The following NRG4 variants were observed in gnomAD, a reference collection of about 807,000 sequenced individuals.
NRG4 encodes the protein pro-neuregulin-4, membrane-bound isoform.
In NRG4, 10 loss-of-function variants were observed where a neutral mutation model predicts 15.0. That is an observed-to-expected ratio of 0.67 (90% CI 0.41 to 1.13). NRG4 has a LOEUF of 1.13. Among genes scored for constraint, NRG4 ranks in the 50% most tolerant of loss-of-function variants. NRG4 has a pLI of 0.00. For missense variants in NRG4, 139 were observed against 140.2 expected, an observed-to-expected ratio of 0.99 and a Z score of 0.04; for synonymous variants, 41 against 50.1, an observed-to-expected ratio of 0.82 and a Z score of 0.77.
intron 4 of NRG4, among the ~76,000 whole-genome samples, chr15:76,042,377 G>GT (rs935253600): frequency 6.6e-6 from 1 of 151,518 alleles, no homozygotes; most frequent in Non-Finnish European, 1.5e-5. Flanking sequence ...TAAAAAGTTG[G>GT]TTTTTTGAAA....
intron 4 of NRG4, among the ~76,000 whole-genome samples, chr15:76,051,186 T>C (rs1189705255): frequency 6.7e-6 from 1 of 148,652 alleles, no homozygotes; most frequent in Non-Finnish European, 1.5e-5. Flanking sequence ...TTTGTATTTT[T>C]AGTAGAGACG....
At position 75,942,876 on chromosome 15, in the gene NRG4, A is replaced by G. The variant is rs1180349417; in HGVS notation, c.*762T>C. On this transcript the variant is annotated 3_prime_UTR_variant, in exon 6 of 6. Coordinates refer to ENST00000394907, the MANE Select transcript of NRG4 (RefSeq NM_138573.4). ...GGAGAAACTAAATTGTTCTGACCTAATCAGTTCTTAATATTGCACCTAAAA... is the reference window on the plus strand; with the variant it reads ...GGAGAAACTAAATTGTTCTGACCTAGTCAGTTCTTAATATTGCACCTAAAA... 1 of 152,172 alleles carries G rather than the reference A, an allele frequency of 6.6e-6. No homozygotes were observed. Among genetic ancestry groups the G allele is most frequent in the Non-Finnish European group, 1.5e-5 (1 of 68,034 alleles). The allele number at this position is 152,172 out of a possible 1,614,324, so 9.4% of individuals were successfully genotyped here.
intron 3 of NRG4, among the ~76,000 whole-genome samples, chr15:75,999,461 G>C (rs2034328021): frequency 6.6e-6 from 1 of 152,144 alleles, no homozygotes; most frequent in Non-Finnish European, 1.5e-5. Context: ...TGCCATGTGA[G>C]GACATAGTGT....
At chr15:76,020,509 G>A (rs2035119636) in intron 5 of NRG4, among the ~76,000 whole-genome samples, 1 of 152,108 alleles carries the variant, frequency 6.6e-6, no homozygotes, top group Non-Finnish European at 1.5e-5. Context: ...CTAAGCCAGG[G>A]ATGTCCAATC....
At chr15:75,971,232 A>C (rs914049283) in intron 3 of NRG4, 2 of 455,880 alleles carry the variant, frequency 4.4e-6, no homozygotes, top group African/African-American at 4.0e-5. Flanking sequence ...TTCCCTCATT[A>C]ATCAGTTCCT....
intron 2 of NRG4, among the ~76,000 whole-genome samples, chr15:76,055,490 G>A (rs989718586): frequency 3.9e-5 from 6 of 152,100 alleles, no homozygotes; most frequent in Non-Finnish European, 7.3e-5. Context: ...GCAGGAATAT[G>A]GACCACCAGG....
intron 4 of NRG4, 75 bp from the exon 5 acceptor site, chr15:75,956,086 G>GTT: frequency 2.3e-5 from 11 of 486,582 alleles, no homozygotes; most frequent in Admixed American, 3.3e-5. Context: ...TAGAAAGAAA[G>GTT]TTTTTTTTTT....
chr15:75,950,049 T>C (rs926161536), intron 5 of NRG4, among the ~76,000 whole-genome samples: 2 of 152,240 alleles, frequency 1.3e-5, no homozygotes, highest in Admixed American at 1.3e-4. Flanking sequence ...TGCATCTATA[T>C]AGGTCAATTT....
At chr15:75,954,265 G>GTTTTTTTTT (rs774149763) in intron 5 of NRG4, among the ~76,000 whole-genome samples, 2 of 136,026 alleles carry the variant, frequency 1.5e-5, no homozygotes, top group Non-Finnish European at 1.6e-5. Context: ...TTGTTTTTTT[G>GTTTTTTTTT]TTTTTTTTTT....
rs560050311 is a variant in NRG4, at chr15:75,984,940, G to T, written c.105-22966C>A. The stretch of plus-strand genomic sequence containing the variant: ...GTTCACTGCAACTTCCACCTCCCAG[G>T]TTCAAGTGATTCTTGTGCTTCAGCC... On this transcript the variant is annotated intron_variant, in intron 3 of 5. Transcript: ENST00000394907. Among the ~76,000 whole-genome samples the T allele has an allele frequency of 5.9e-5, 9 of 152,174 alleles. No homozygotes were observed. The South Asian group carries it at 1.5e-3, about 25-fold the overall frequency.
chr15:75,974,009 G>C (rs1567085195), intron 3 of NRG4, among the ~76,000 whole-genome samples: 1 of 152,006 alleles, frequency 6.6e-6, no homozygotes, highest in Non-Finnish European at 1.5e-5. Context: ...GGCTTTTTTT[G>C]GTGGGTAGGC....
At chr15:75,961,758 T>G in intron 4 of NRG4, 70 bp downstream of exon 4, 1 of 1,062,296 alleles carries the variant, frequency 9.4e-7, no homozygotes, top group East Asian at 2.4e-5. Flanking sequence ...ACTAAGGGCA[T>G]ATTAATTATT....
intron 5 of NRG4, among the ~76,000 whole-genome samples, chr15:76,020,365 G>A (rs1014896297): frequency 1.3e-5 from 2 of 152,152 alleles, no homozygotes; most frequent in Non-Finnish European, 2.9e-5. Context: ...GGTAAGATAG[G>A]CCTCTTGCAC....
At chr15:76,034,988 T>C (rs985271438) in intron 5 of NRG4, among the ~76,000 whole-genome samples, 1 of 152,238 alleles carries the variant, frequency 6.6e-6, no homozygotes, top group Non-Finnish European at 1.5e-5. Context: ...ATAGCCTCCA[T>C]TTCCACAGAG....
downstream of NRG4, chr15:75,939,264 C>G (rs2141741086): frequency 6.6e-6 from 1 of 152,092 alleles, no homozygotes; most frequent in South Asian, 2.1e-4. Context: ...GAACAGCACT[C>G]TAGATTCTAG....
At chr15:76,035,572 G>GAA (rs143023547) in intron 5 of NRG4, among the ~76,000 whole-genome samples, 1 of 146,996 alleles carries the variant, frequency 6.8e-6, no homozygotes, top group Non-Finnish European at 1.5e-5. Context: ...TAACAGAAGT[G>GAA]AAAAAAAAAA....
intron 3 of NRG4, among the ~76,000 whole-genome samples, chr15:76,000,583 T>G (rs2141890114): frequency 6.6e-6 from 1 of 152,324 alleles, no homozygotes; most frequent in South Asian, 2.1e-4. Flanking sequence ...AATAACATAA[T>G]CTCTATGGAT....
intron 3 of NRG4, among the ~76,000 whole-genome samples, chr15:75,998,299 G>C (rs1567100555): frequency 6.6e-6 from 1 of 152,216 alleles, no homozygotes; most frequent in South Asian, 2.1e-4. Context: ...TATGTTGGTA[G>C]ATGGTAAGAG....
intron 3 of NRG4, among the ~76,000 whole-genome samples, chr15:75,997,636 T>C (rs925068982): frequency 6.6e-6 from 1 of 152,160 alleles, no homozygotes; most frequent in African/African-American, 2.4e-5. Context: ...TAGCTGCCTT[T>C]AATTGCAAAC....
Sources: gnomAD v4.1 joint callset for allele counts (sites outside exome capture counted in the v4.1 genomes callset) on GRCh38, gnomAD v4.1.1 for gene constraint, MANE v1.5 for transcripts, NCBI Gene and HGNC (gene_info 2026-07-23, HGNC 2026-07-21) for gene names.